Variants in UNC80 observed in about 807,000 individuals in gnomAD.
UNC80 encodes protein unc-80 homolog.
A neutral mutation model predicts 384.6 loss-of-function variants in UNC80; 164 were observed. The observed-to-expected ratio is 0.43, with a 90% CI of 0.38 to 0.49. The LOEUF is 0.49. UNC80 is among the 20% of genes least tolerant of loss of function. The probability of loss-of-function intolerance (pLI) is 0.00; values close to 1 mark genes in which losing one functional copy is unlikely to be tolerated. For synonymous variants in UNC80, 1,486 were observed against 1,527.8 expected, an observed-to-expected ratio of 0.97 and a Z score of 0.64; for missense variants, 3,330 against 4,143.0, an observed-to-expected ratio of 0.80 and a Z score of 5.39.
chr2:209,838,181 A>G lies in UNC80; in HGVS notation c.3042-1041A>G, dbSNP rs1368062319. Among the ~76,000 whole-genome samples, 6 of 152,034 alleles carry G rather than the reference A, an allele frequency of 3.9e-5. No individual in the cohort carries two copies. In the Middle Eastern group the frequency reaches 0.017, roughly 431 times the overall value. ...TAAGCTTTGGATATCGTATTGCCACATTACTTTAAAGAGAGGTTGGATCAT... is the reference window on the plus strand; with the variant it reads ...TAAGCTTTGGATATCGTATTGCCACGTTACTTTAAAGAGAGGTTGGATCAT... On this transcript the variant is annotated intron_variant, in intron 18 of 64. Transcript: ENST00000673920.
chr2:209,850,921 C>T (rs2082485557), intron 22 of UNC80, among the ~76,000 whole-genome samples: 2 of 152,098 alleles, frequency 1.3e-5, no homozygotes, highest in South Asian at 2.1e-4. Flanking sequence ...ACTTAGCTGT[C>T]ACTCTTTTGA....
At chr2:209,921,203 A>T (rs147745430) in intron 33 of UNC80, among the ~76,000 whole-genome samples, 3,229 of 152,336 alleles carry the variant, frequency 0.021, 103 homozygotes, top group South Asian at 0.18. Context: ...TTATTTGATC[A>T]TAATATTTAA....
chr2:209,779,299 A>G (rs1228328403), intron 4 of UNC80, among the ~76,000 whole-genome samples: 2 of 151,968 alleles, frequency 1.3e-5, no homozygotes, highest in Non-Finnish European at 2.9e-5. Context: ...CAAACTTGAC[A>G]AGTGCATTTT....
At chr2:209,910,858 T>C (rs781377140) in intron 29 of UNC80, among the ~76,000 whole-genome samples, 2 of 152,280 alleles carry the variant, frequency 1.3e-5, no homozygotes, top group Non-Finnish European at 1.5e-5. Context: ...AAAATCATAG[T>C]AAAATGAATC....
chr2:209,991,942 T>C (rs987985165), intron 61 of UNC80, among the ~76,000 whole-genome samples: 1 of 152,142 alleles, frequency 6.6e-6, no homozygotes, highest in South Asian at 2.1e-4. Context: ...ACGGCATCAG[T>C]GATTGAAAAC....
At chr2:209,813,498 A>G in intron 7 of UNC80, 82 bp from the exon 8 acceptor site, 2 of 1,382,116 alleles carry the variant, frequency 1.4e-6, no homozygotes, top group East Asian at 2.5e-5. Flanking sequence ...CAAATGAGAA[A>G]AGTAGAGCTA....
intron 13 of UNC80, 93 bp from the exon 14 acceptor site, chr2:209,825,814 A>G (rs769878773): frequency 7.1e-5 from 86 of 1,207,600 alleles, no homozygotes; most frequent in African/African-American, 2.0e-4. Flanking sequence ...TAAAACATAT[A>G]AACTTGATTT....
At position 209,995,609 on chromosome 2, in the gene UNC80, A is replaced by G; in HGVS notation, c.*14A>G. The G allele has an allele frequency of 1.3e-6, 2 of 1,551,326 alleles. No individual in the cohort carries two copies. The highest frequency in any genetic ancestry group is 1.7e-6 in the Non-Finnish European group (2 of 1,146,626). On this transcript the variant is annotated 3_prime_UTR_variant, in exon 65 of 65. Transcript: ENST00000673920. ...TCTCATGTTTAATTCTGTATCTTGT[A>G]AGCTCTGCAGGTATAGAGAAGACAT...
chr2:209,934,492 C>T (rs886122789), intron 39 of UNC80, among the ~76,000 whole-genome samples: 1 of 152,120 alleles, frequency 6.6e-6, no homozygotes, highest in African/African-American at 2.4e-5. Context: ...CTTTTCACTT[C>T]GGATAGCTTG....
rs200940905 is a variant in UNC80, at chr2:209,958,148, CA to C, written c.7550+415del. 9.4e-3 allele frequency among the ~76,000 whole-genome samples: 1,432 copies of C among 152,222 alleles called. 26 individuals carry two copies. The highest frequency in any genetic ancestry group is 0.033 in the African/African-American group (1,359 of 41,516). On this transcript the variant is annotated intron_variant, in intron 49 of 64. Coordinates refer to ENST00000673920, the MANE Select transcript of UNC80 (RefSeq NM_001371986.1). ...ACAGATTTTCTGCAGACATTTCATC[CA>C]AACTTTGACATATGCCCTCAAATGG...
In UNC80 at chr2:209,789,560, A is replaced by G. The variant is rs771262911; in HGVS notation, c.753A>G (p.Gln251=). 1.4e-5 allele frequency: 23 copies of G among 1,613,562 alleles called. No homozygotes were observed. In the South Asian group the frequency reaches 2.3e-4, roughly 16 times the overall value. The change falls in exon 6 of 65, where the codon CAA becomes CAG. Residue 251 remains glutamine (Q), a synonymous_variant. Transcript: ENST00000673920. ...TAKRSSPINS[Q]SRTCESPNQD... Reference sequence around the variant, plus strand: ...AGAGAAGTTCTCCTATCAACAGTCAAAGCCGGACCTGTGAATCACCAAATC... The same window carrying G: ...AGAGAAGTTCTCCTATCAACAGTCAGAGCCGGACCTGTGAATCACCAAATC...
At chr2:209,788,234 C>T (rs957923667) in intron 5 of UNC80, among the ~76,000 whole-genome samples, 2 of 151,906 alleles carry the variant, frequency 1.3e-5, no homozygotes, top group African/African-American at 2.4e-5. Context: ...CTGACCCACA[C>T]GGAGAAACCC....
intron 25 of UNC80, among the ~76,000 whole-genome samples, chr2:209,883,426 CTTTTTTTTTT>C (rs35807077): frequency 7.3e-4 from 73 of 100,534 alleles, no homozygotes; most frequent in African/African-American, 2.5e-3. Flanking sequence ...CCATTCCACT[CTTTTTTTTTT>C]TTTTTTTTTT....
In UNC80 at chr2:209,970,846, A is replaced by G; in HGVS notation, c.8145A>G (p.Val2715=). Residue 2715 remains valine, a synonymous_variant, in exon 54 of 65, where the codon GTA becomes GTG. Transcript: ENST00000673920. ...TTGTATTTCAGGTGATGGGAGTGGTAGGACCTTCCAGTGTTGCTGATGGAT... is the reference window on the plus strand; with the variant it reads ...TTGTATTTCAGGTGATGGGAGTGGTGGGACCTTCCAGTGTTGCTGATGGAT... ...NVCVNLVMGV[V]GPSSVADGLP... is the part of the protein sequence containing the mutation. The G allele has an allele frequency of 1.3e-6, 2 of 1,551,598 alleles. No homozygotes were observed. Among genetic ancestry groups the G allele is most frequent in the Non-Finnish European group, 1.7e-6 (2 of 1,146,898 alleles).
chr2:209,930,859 G>A, intron 37 of UNC80, 109 bp from the exon 38 acceptor site: 1 of 666,256 alleles, frequency 1.5e-6, no homozygotes, highest in South Asian at 2.1e-5. Context: ...CAATATGTGG[G>A]CAAAAGTAAA....
Position 209,993,299 on chromosome 2 carries a change from T to G in UNC80, c.9397-16T>G. 1 of 1,546,672 alleles carries G rather than the reference T, an allele frequency of 6.5e-7. No homozygotes were observed. On this transcript the variant is annotated splice_polypyrimidine_tract_variant and intron_variant, in intron 62 of 64. Transcript: ENST00000673920. Reference sequence around the variant, plus strand: ...TTAGACCCTCTTGCAAGTTTTATTCTGCCTATTCTCTTTAGCTAAGACGTC... The same window carrying G: ...TTAGACCCTCTTGCAAGTTTTATTCGGCCTATTCTCTTTAGCTAAGACGTC...
chr2:209,921,256 G>A (rs1224081254), intron 33 of UNC80, among the ~76,000 whole-genome samples: 1 of 152,138 alleles, frequency 6.6e-6, no homozygotes, highest in Non-Finnish European at 1.5e-5. Flanking sequence ...AGATGAAATA[G>A]GATTCCTTCC....
chr2:209,952,332 A>G (rs185465563), intron 47 of UNC80, among the ~76,000 whole-genome samples: 156 of 152,294 alleles, frequency 1.0e-3, no homozygotes, highest in African/African-American at 3.5e-3. Flanking sequence ...CTGACTAGCA[A>G]TTGTGGTAGG....
chr2:209,956,514 T>G (rs941753113), intron 48 of UNC80, among the ~76,000 whole-genome samples: 1 of 152,214 alleles, frequency 6.6e-6, no homozygotes, highest in African/African-American at 2.4e-5. Context: ...GCATTTCTTC[T>G]CACATGCTCC....
Sources: gnomAD v4.1 joint callset for allele counts (sites outside exome capture counted in the v4.1 genomes callset) on GRCh38, gnomAD v4.1.1 for gene constraint, MANE v1.5 for transcripts, NCBI Gene and HGNC (gene_info 2026-07-23, HGNC 2026-07-21) for gene names.